Variants in FOXN3 observed in about 807,000 individuals in gnomAD.
FOXN3 encodes the protein forkhead box protein N3.
In FOXN3, 7 loss-of-function variants were observed where a neutral mutation model predicts 38.4. That is an observed-to-expected ratio of 0.18 (90% confidence interval 0.10 to 0.34). The LOEUF is 0.34. Among genes scored for constraint, FOXN3 ranks in the 10% least tolerant of loss-of-function variants. FOXN3 has a pLI of 1.00. For synonymous variants in FOXN3, 230 were observed against 242.2 expected (o/e 0.95, Z 0.47); for missense variants, 456 against 613.4 (o/e 0.74, Z 2.71).
chr14:89,416,498 C>CG (rs1891732402), intron 1 of FOXN3, among the ~76,000 whole-genome samples: 1 of 152,074 alleles, frequency 6.6e-6, no homozygotes, highest in Non-Finnish European at 1.5e-5. Flanking sequence ...ACAGTTTGGC[C>CG]GGGGGGTGAT....
At position 89,396,799 on chromosome 14, in the gene FOXN3, T is replaced by C. The variant is rs112538478; in HGVS notation, c.543+15135A>G. 8.5e-3 allele frequency among the ~76,000 whole-genome samples: 1,162 copies of C among 136,990 alleles called. 9 individuals carry two copies. Among genetic ancestry groups the C allele is most frequent in the Non-Finnish European group, 0.014 (940 of 66,410 alleles). The allele number at this position is 136,990 out of a possible 152,430, so 89.9% of individuals were successfully genotyped here. On this transcript the variant is annotated intron_variant, in intron 2 of 5. Coordinates refer to ENST00000557258, the MANE Select transcript of FOXN3 (RefSeq NM_005197.4). ...GTGAGCTGAGATTGTGCCACTGCACTCCAGCCTGGGCAACAGGAGTGAAAC... is the reference window on the plus strand; with the variant it reads ...GTGAGCTGAGATTGTGCCACTGCACCCCAGCCTGGGCAACAGGAGTGAAAC...
intron 2 of FOXN3, among the ~76,000 whole-genome samples, chr14:89,377,353 G>A (rs1890516353): frequency 6.7e-6 from 1 of 148,392 alleles, no homozygotes; most frequent in South Asian, 2.1e-4. Flanking sequence ...AGGTCTTAGT[G>A]GACAACTGGA....
At chr14:89,210,932 C>A (rs1884073567) in intron 4 of FOXN3, among the ~76,000 whole-genome samples, 1 of 152,172 alleles carries the variant, frequency 6.6e-6, no homozygotes. Flanking sequence ...GACTACAGAA[C>A]ACAATTAATT....
At chr14:89,558,440 A>C (rs1895172146) in intron 1 of FOXN3, among the ~76,000 whole-genome samples, 1 of 152,176 alleles carries the variant, frequency 6.6e-6, no homozygotes, top group Non-Finnish European at 1.5e-5. Context: ...AGGTATTAAG[A>C]AGCAGGCTCT....
At chr14:89,560,346 C>T (rs1895222107) in intron 1 of FOXN3, among the ~76,000 whole-genome samples, 1 of 152,154 alleles carries the variant, frequency 6.6e-6, no homozygotes, top group Admixed American at 6.5e-5. Flanking sequence ...AAGGGACTGG[C>T]CAGGCTGCGG....
At chr14:89,416,432 AG>A in intron 1 of FOXN3, among the ~76,000 whole-genome samples, 1 of 152,104 alleles carries the variant, frequency 6.6e-6, no homozygotes, top group South Asian at 2.1e-4. Context: ...GGCCGGGATG[AG>A]GGGGGTCGGG....
intron 3 of FOXN3, among the ~76,000 whole-genome samples, chr14:89,317,438 C>T (rs1887752304): frequency 6.6e-6 from 1 of 152,168 alleles, no homozygotes; most frequent in African/African-American, 2.4e-5. Flanking sequence ...GAAATCTAGA[C>T]ACCCTGGAGG....
At chr14:89,353,754 C>G (rs1889077769) in intron 2 of FOXN3, 1 of 152,072 alleles carries the variant, frequency 6.6e-6, no homozygotes, top group African/African-American at 2.4e-5. Flanking sequence ...TTTTTTGAGA[C>G]AGTCTCATTC....
At chr14:89,272,710 G>A (rs376762900) in intron 4 of FOXN3, among the ~76,000 whole-genome samples, 205 of 152,214 alleles carry the variant, frequency 1.3e-3, no homozygotes, top group African/African-American at 2.7e-3. Flanking sequence ...AAAATTAGCC[G>A]CGCATGGTGG....
chr14:89,343,723 CCAA>C lies in FOXN3; in HGVS notation c.680+6946_680+6948del, dbSNP rs1482118088. ...GAAGCTTAAATGTCTGGAATTTATT[CCAA>C]AAAAAAAAAAAAGATGAGAGTAAAA... On this transcript the variant is annotated intron_variant, in intron 3 of 5. Coordinates refer to ENST00000557258, the MANE Select transcript of FOXN3 (RefSeq NM_005197.4). Among the ~76,000 whole-genome samples, 385 of 98,142 alleles carry C rather than the reference CCAA, an allele frequency of 3.9e-3. 4 individuals are homozygous for C. The highest frequency in any genetic ancestry group is 0.016 in the African/African-American group (371 of 22,982). The allele number at this position is 98,142 out of a possible 152,430, so 64.4% of individuals were successfully genotyped here.
rs67802765 is a variant in FOXN3 at position 89,363,947 on chromosome 14, AATATATATATATATATATATAT to A, written c.544-13161_544-13140del. 6.6e-4 allele frequency among the ~76,000 whole-genome samples: 74 copies of A among 111,366 alleles called. 6 individuals carry two copies. Among genetic ancestry groups the A allele is most frequent in the African/African-American group, 2.6e-3 (50 of 19,396 alleles). 73.1% of individuals were successfully genotyped at this position (111,366 alleles called of 152,430 possible). ...TAACTGAGCAAGACCCTGTCTGTAA[AATATATATATATATATATATAT>A]ATATATATATATATATATAATATAT... On this transcript the variant is annotated intron_variant, in intron 2 of 5. Coordinates refer to ENST00000557258, the MANE Select transcript of FOXN3 (RefSeq NM_005197.4).
intron 1 of FOXN3, among the ~76,000 whole-genome samples, chr14:89,506,137 G>A (rs1269471100): frequency 6.8e-4 from 70 of 102,574 alleles, no homozygotes; most frequent in Admixed American, 8.3e-4. Flanking sequence ...CTGCCCGGCC[G>A]CCCCTACTGG....
intron 2 of FOXN3, among the ~76,000 whole-genome samples, chr14:89,360,177 C>A (rs1596215106): frequency 2.0e-5 from 3 of 152,108 alleles, no homozygotes; most frequent in Admixed American, 6.5e-5. Context: ...AATGCCCTCC[C>A]CTCCCGCCAA....
intron 1 of FOXN3, among the ~76,000 whole-genome samples, chr14:89,499,208 G>A (rs1332589854): frequency 6.6e-6 from 1 of 152,082 alleles, no homozygotes; most frequent in Non-Finnish European, 1.5e-5. Context: ...AAAGTGGCCT[G>A]GCTCCCACAG....
chr14:89,555,758 T>C (rs867251805), intron 1 of FOXN3, among the ~76,000 whole-genome samples: 3 of 151,784 alleles, frequency 2.0e-5, no homozygotes, highest in South Asian at 2.1e-4. Flanking sequence ...AAGGTTTAGA[T>C]GGTTAGGAGA....
At chr14:89,476,471 A>T (rs1236727512) in intron 1 of FOXN3, among the ~76,000 whole-genome samples, 1 of 152,252 alleles carries the variant, frequency 6.6e-6, no homozygotes, top group Non-Finnish European at 1.5e-5. Flanking sequence ...ACCACCACTG[A>T]GGGAGCTATG....
intron 4 of FOXN3, among the ~76,000 whole-genome samples, chr14:89,278,100 A>AAGAT (rs1447656059): frequency 6.6e-6 from 1 of 152,288 alleles, no homozygotes; most frequent in Non-Finnish European, 1.5e-5. Flanking sequence ...GCTGCTGATA[A>AAGAT]AGACATACTG....
chr14:89,203,960 T>C (rs1273555610), intron 4 of FOXN3, among the ~76,000 whole-genome samples: 8 of 151,846 alleles, frequency 5.3e-5, no homozygotes, highest in Admixed American at 4.6e-4. Flanking sequence ...ACAAGCATAA[T>C]GTACTACTAA....
intron 2 of FOXN3, among the ~76,000 whole-genome samples, chr14:89,380,683 C>A (rs1158781092): frequency 6.6e-6 from 1 of 152,234 alleles, no homozygotes; most frequent in Non-Finnish European, 1.5e-5. Context: ...TGCCCACAAC[C>A]CCGTCCTATA....
Sources: gnomAD v4.1 joint callset for allele counts (sites outside exome capture counted in the v4.1 genomes callset) on GRCh38, gnomAD v4.1.1 for gene constraint, MANE v1.5 for transcripts, NCBI Gene and HGNC (gene_info 2026-07-23, HGNC 2026-07-21) for gene names.